COL21A1: variants seen among roughly 807,000 people sequenced by gnomAD.
COL21A1 encodes collagen alpha-1(XXI) chain.
A neutral mutation model predicts 137.9 loss-of-function variants in COL21A1; 149 were observed. The observed-to-expected ratio is 1.08, with a 90% CI of 0.95 to 1.24. The LOEUF is 1.24. Among genes scored for constraint, COL21A1 ranks in the 50% most tolerant of loss-of-function variants. The pLI is 0.00. For missense variants in COL21A1, 1,167 were observed against 1,158.4 expected, an observed-to-expected ratio of 1.01 and a Z score of -0.11; for synonymous variants, 456 against 391.5, an observed-to-expected ratio of 1.16 and a Z score of -1.95.
intron 1 of COL21A1, among the ~76,000 whole-genome samples, chr6:56,392,223 C>T (rs191319234): frequency 2.0e-5 from 3 of 152,074 alleles, no homozygotes; most frequent in African/African-American, 7.2e-5. Flanking sequence ...ATATATCATA[C>T]CAACAGAACA....
chr6:56,276,048 A>G (rs1355211807), intron 1 of COL21A1, among the ~76,000 whole-genome samples: 1 of 152,222 alleles, frequency 6.6e-6, no homozygotes, highest in Non-Finnish European at 1.5e-5. Context: ...GCCATAAAAA[A>G]GAGTGAAATG....
intron 1 of COL21A1, among the ~76,000 whole-genome samples, chr6:56,373,557 G>C (rs1050256817): frequency 6.6e-6 from 1 of 152,134 alleles, no homozygotes. Flanking sequence ...AGCTGAGATC[G>C]GGCCACTGTA....
intron 1 of COL21A1, among the ~76,000 whole-genome samples, chr6:56,385,621 T>C (rs747005779): frequency 1.3e-5 from 2 of 152,160 alleles, no homozygotes; most frequent in Admixed American, 6.6e-5. Flanking sequence ...CAGTGTCATA[T>C]AGTACATCCA....
intron 20 of COL21A1, 69 bp from the exon 21 acceptor site, chr6:56,070,867 C>T: frequency 8.8e-7 from 1 of 1,133,746 alleles, no homozygotes; most frequent in Non-Finnish European, 1.3e-6. Flanking sequence ...GATATAGACA[C>T]TTAAGGGAAT....
chr6:56,252,079 TC>T (rs1782866598), upstream of COL21A1, among the ~76,000 whole-genome samples: 1 of 152,226 alleles, frequency 6.6e-6, no homozygotes, highest in Non-Finnish European at 1.5e-5. Flanking sequence ...CTTTCTTCTT[TC>T]TCTTCTTTCA....
At chr6:56,066,349 G>A (rs12207662) in intron 23 of COL21A1, among the ~76,000 whole-genome samples, 22,890 of 151,860 alleles carry the variant, frequency 0.15, 1,756 homozygotes, top group Middle Eastern at 0.22. Context: ...GATATAGCAA[G>A]TTTTGCCTAT....
intron 1 of COL21A1, among the ~76,000 whole-genome samples, chr6:56,385,924 A>T: frequency 6.8e-6 from 1 of 147,742 alleles, no homozygotes; most frequent in Non-Finnish European, 1.5e-5. Context: ...TTTGAAATGG[A>T]ATTTCGCTCT....
intron 1 of COL21A1, among the ~76,000 whole-genome samples, chr6:56,325,532 A>C (rs1421978284): frequency 0.12 from 54 of 468 alleles, 18 homozygotes; most frequent in South Asian, 1. Context: ...TATATATTAT[A>C]TATAAATATA....
intron 5 of COL21A1, among the ~76,000 whole-genome samples, chr6:56,170,274 C>A (rs1329500529): frequency 6.6e-6 from 1 of 151,678 alleles, no homozygotes; most frequent in Admixed American, 6.6e-5. Context: ...TCAACTAGAC[C>A]AAAATTTAAT....
intron 1 of COL21A1, among the ~76,000 whole-genome samples, chr6:56,381,165 A>G (rs1388440191): frequency 2.6e-5 from 4 of 152,118 alleles, no homozygotes; most frequent in Non-Finnish European, 4.4e-5. Flanking sequence ...ATACCATGAA[A>G]TTATCTTGTC....
intron 1 of COL21A1, among the ~76,000 whole-genome samples, chr6:56,320,973 A>C (rs973695691): frequency 6.6e-6 from 1 of 152,116 alleles, no homozygotes; most frequent in Non-Finnish European, 1.5e-5. Flanking sequence ...CTGTGCCTGG[A>C]CACAGTGGGG....
At position 56,060,189 on chromosome 6, in the gene COL21A1, T is replaced by A; in HGVS notation, c.2437A>T (p.Arg813Ter). ...AQLPVLLQSG[R>*]IRNCDHCLSQ... Reference sequence around the variant, plus strand: ...AGGCAATGATCACAATTTCTAATTCTTCCACTCTGAAGTAAGACTGGTAGC... The same window carrying A: ...AGGCAATGATCACAATTTCTAATTCATCCACTCTGAAGTAAGACTGGTAGC... The change falls in exon 28 of 30, where the codon AGA (arginine) becomes TGA (stop). Residue 813 changes from arginine (R) to a stop codon, truncating the protein, a stop_gained. Coordinates refer to ENST00000244728, the MANE Select transcript of COL21A1 (RefSeq NM_030820.4). LOFTEE classifies it high-confidence loss of function. 1 of 1,607,526 alleles carries A rather than the reference T, an allele frequency of 6.2e-7. No individual in the cohort carries two copies.
Position 56,201,701 on chromosome 6 carries a change from A to T in COL21A1, c.-38-19045T>A, listed in dbSNP as rs1440386446. Among the ~76,000 whole-genome samples the T allele has an allele frequency of 7.5e-4, 114 of 152,314 alleles. 1 individual carries two copies. The highest frequency in any genetic ancestry group is 1.0e-4 in the Non-Finnish European group (7 of 68,028). On this transcript the variant is annotated intron_variant, in intron 1 of 29. Coordinates refer to ENST00000244728, the MANE Select transcript of COL21A1 (RefSeq NM_030820.4). ...CTCATAAAGCTATGAGAAATAAGTT[A>T]AAGTATGGAAACCACAAAGAAATGG... is the stretch of plus-strand genomic sequence containing the variant.
chr6:56,067,549 A>G (rs943167488), intron 22 of COL21A1, among the ~76,000 whole-genome samples: 13 of 151,790 alleles, frequency 8.6e-5, no homozygotes, highest in Admixed American at 7.9e-4. Context: ...ATGCTCCTAC[A>G]TTTGAAAGAA....
chr6:56,196,804 C>G (rs1407446455), intron 1 of COL21A1, among the ~76,000 whole-genome samples: 1 of 151,956 alleles, frequency 6.6e-6, no homozygotes, highest in Non-Finnish European at 1.5e-5. Flanking sequence ...GTCCATACCA[C>G]CCAAAGGGAT....
intron 1 of COL21A1, among the ~76,000 whole-genome samples, chr6:56,237,748 C>T (rs969122870): frequency 3.3e-5 from 5 of 152,104 alleles, no homozygotes; most frequent in African/African-American, 1.2e-4. Context: ...GTTAAGGAAA[C>T]ACACATACAT....
chr6:56,349,966 G>C (rs920257456), intron 1 of COL21A1, among the ~76,000 whole-genome samples: 6 of 152,138 alleles, frequency 3.9e-5, no homozygotes, highest in Non-Finnish European at 1.5e-5. Flanking sequence ...ACTCTGTTGG[G>C]ATCCTGTCTG....
At chr6:56,174,701 G>C (rs1777320037) in intron 3 of COL21A1, among the ~76,000 whole-genome samples, 1 of 152,054 alleles carries the variant, frequency 6.6e-6, no homozygotes, top group Admixed American at 6.5e-5. Flanking sequence ...CTAGTACCAG[G>C]TGGCTTCAGT....
At chr6:56,227,345 CT>C (rs1199003621) in intron 1 of COL21A1, among the ~76,000 whole-genome samples, 1 of 151,988 alleles carries the variant, frequency 6.6e-6, no homozygotes, top group African/African-American at 2.4e-5. Flanking sequence ...AAGAGAAAAC[CT>C]CTAAGTCCCA....
Sources: gnomAD v4.1 joint callset for allele counts (sites outside exome capture counted in the v4.1 genomes callset) on GRCh38, gnomAD v4.1.1 for gene constraint, MANE v1.5 for transcripts, NCBI Gene and HGNC (gene_info 2026-07-23, HGNC 2026-07-21) for gene names.